The following SMPD3 variants were observed in gnomAD, a reference collection of about 807,000 sequenced individuals.
SMPD3 encodes nSMase-2.
In SMPD3, 21 loss-of-function variants were observed where a neutral mutation model predicts 55.7. The observed-to-expected ratio is 0.38, with a 90% CI of 0.27 to 0.54. The LOEUF is 0.54. Among genes scored for constraint, SMPD3 ranks in the 20% least tolerant of loss-of-function variants. SMPD3 has a pLI of 0.80. For synonymous variants in SMPD3, 457 were observed against 404.3 expected, an observed-to-expected ratio of 1.13 and a Z score of -1.56; for missense variants, 842 against 899.6, an observed-to-expected ratio of 0.94 and a Z score of 0.82.
intron 3 of SMPD3, among the ~76,000 whole-genome samples, 189 bp downstream of exon 3, chr16:68,370,670 C>A (rs1305507217): frequency 6.6e-6 from 1 of 152,204 alleles, no homozygotes; most frequent in Non-Finnish European, 1.5e-5. Flanking sequence ...CTCATCCCTG[C>A]ATTGGTCTTG....
intron 1 of SMPD3, among the ~76,000 whole-genome samples, chr16:68,423,171 T>C (rs1408989957): frequency 6.6e-6 from 1 of 152,226 alleles, no homozygotes. Context: ...TTTTCTGGCC[T>C]CCTTGTCACC....
intron 3 of SMPD3, chr16:68,369,346 G>C (rs2089584721): frequency 6.6e-6 from 1 of 152,318 alleles, no homozygotes; most frequent in Admixed American, 6.5e-5. Flanking sequence ...AGGAGGGGCT[G>C]TCCCAGGCAG....
At chr16:68,420,422 A>G (rs2090383251) in intron 1 of SMPD3, among the ~76,000 whole-genome samples, 2 of 152,242 alleles carry the variant, frequency 1.3e-5, no homozygotes, top group African/African-American at 4.8e-5. Context: ...CGGAGCCTAT[A>G]TGATCTTCCA....
At chr16:68,434,605 C>T (rs1378283967) in intron 1 of SMPD3, among the ~76,000 whole-genome samples, 2 of 152,142 alleles carry the variant, frequency 1.3e-5, no homozygotes, top group Non-Finnish European at 2.9e-5. Flanking sequence ...TTACATTTAT[C>T]GTCATAACCA....
At chr16:68,388,319 T>A (rs2090079399) in intron 1 of SMPD3, among the ~76,000 whole-genome samples, 1 of 152,154 alleles carries the variant, frequency 6.6e-6, no homozygotes. Context: ...TGACCTGCTG[T>A]CCCGGCCTGT....
rs766188272 is a variant in SMPD3 at position 68,399,569 on chromosome 16, T to C, written c.-268-12910A>G. ...GCCAAGTGCCATCCATCCCATCTTGTGGACACCCACAAAGAAGGAGCCTTG... is the reference window on the plus strand; with the variant it reads ...GCCAAGTGCCATCCATCCCATCTTGCGGACACCCACAAAGAAGGAGCCTTG... On this transcript the variant is annotated intron_variant, in intron 1 of 8. Transcript: ENST00000219334. 8.1e-4 allele frequency among the ~76,000 whole-genome samples: 124 copies of C among 152,266 alleles called. 2 individuals carry two copies. The highest frequency in any genetic ancestry group is 2.8e-4 in the Non-Finnish European group (19 of 68,006).
At chr16:68,425,445 G>A (rs2090428354) in intron 1 of SMPD3, among the ~76,000 whole-genome samples, 1 of 150,314 alleles carries the variant, frequency 6.7e-6, no homozygotes, top group African/African-American at 2.4e-5. Flanking sequence ...GGAGCGAAGG[G>A]GCCCAGCTTC....
Position 68,447,135 on chromosome 16 carries a change from G to A in SMPD3, c.-269+1218C>T, listed in dbSNP as rs1336230277. ...CAGCCCGCGGCGCAGGCCTGCCAGT[G>A]CGGCGACCGCCGCTTTGTCCTCTCG... On this transcript the variant is annotated intron_variant, in intron 1 of 8. Transcript: ENST00000219334. This position sits in a 1 kb window ranked among gnomAD's most constrained non-coding sequence, Gnocchi z 5.1. Among the ~76,000 whole-genome samples, 1 of 151,996 alleles carries A rather than the reference G, an allele frequency of 6.6e-6. No individual in the cohort carries two copies. Among genetic ancestry groups the A allele is most frequent in the Non-Finnish European group, 1.5e-5 (1 of 67,964 alleles).
intron 1 of SMPD3, among the ~76,000 whole-genome samples, chr16:68,392,152 A>G (rs1437894921): frequency 6.6e-6 from 1 of 152,226 alleles, no homozygotes; most frequent in African/African-American, 2.4e-5. Flanking sequence ...TTGGCCTTCC[A>G]GAGTGCTGGG....
At chr16:68,394,727 A>T (rs958978865) in intron 1 of SMPD3, among the ~76,000 whole-genome samples, 1 of 152,246 alleles carries the variant, frequency 6.6e-6, no homozygotes, top group African/African-American at 2.4e-5. Context: ...AAGATTTAAG[A>T]TAACTTAAAC....
intron 1 of SMPD3, among the ~76,000 whole-genome samples, chr16:68,392,581 G>A (rs2090120890): frequency 6.6e-6 from 1 of 152,162 alleles, no homozygotes; most frequent in African/African-American, 2.4e-5. Context: ...GAGATGCCAG[G>A]CCAGGTGCAG....
At position 68,404,371 on chromosome 16, in the gene SMPD3, A is replaced by T. The variant is rs1316491086; in HGVS notation, c.-268-17712T>A. Among the ~76,000 whole-genome samples, 1 of 151,872 alleles carries T rather than the reference A, an allele frequency of 6.6e-6. No homozygotes were observed. Among genetic ancestry groups the T allele is most frequent in the Non-Finnish European group, 1.5e-5 (1 of 67,942 alleles). On this transcript the variant is annotated intron_variant, in intron 1 of 8. Coordinates refer to ENST00000219334, the MANE Select transcript of SMPD3 (RefSeq NM_018667.4). This position sits in a 1 kb window ranked among gnomAD's most constrained non-coding sequence, Gnocchi z 4.0. Reference sequence around the variant, plus strand: ...CGCCTCAGCCTCCCAAATTGCTGAGATTACAGGCGTGAGCCACCATGACAG... The same window carrying T: ...CGCCTCAGCCTCCCAAATTGCTGAGTTTACAGGCGTGAGCCACCATGACAG...
intron 3 of SMPD3, among the ~76,000 whole-genome samples, chr16:68,370,481 C>T (rs949490644): frequency 8.5e-5 from 13 of 152,052 alleles, no homozygotes; most frequent in African/African-American, 2.9e-4. Flanking sequence ...TTATCACTGC[C>T]ACCATCTCCA....
rs544633520 is a variant in SMPD3 at position 68,397,833 on chromosome 16, G to A, written c.-268-11174C>T. On this transcript the variant is annotated intron_variant, in intron 1 of 8. Coordinates refer to ENST00000219334, the MANE Select transcript of SMPD3 (RefSeq NM_018667.4). ...CCCTGGTGGCAGTGCTTCGTCTTAGGGCCTCCTACAGTGAGCCTCTATTGC... is the reference window on the plus strand; with the variant it reads ...CCCTGGTGGCAGTGCTTCGTCTTAGAGCCTCCTACAGTGAGCCTCTATTGC... 7.2e-5 allele frequency among the ~76,000 whole-genome samples: 11 copies of A among 152,252 alleles called. No individual in the cohort carries two copies. In the South Asian group the frequency reaches 2.1e-3, roughly 29 times the overall value.
chr16:68,399,861 T>C (rs1208963720), intron 1 of SMPD3, among the ~76,000 whole-genome samples: 1 of 152,170 alleles, frequency 6.6e-6, no homozygotes, highest in Non-Finnish European at 1.5e-5. Flanking sequence ...ACATCCACGA[T>C]AAACCCAAAG....
At chr16:68,435,481 A>AT (rs34379714) in intron 1 of SMPD3, among the ~76,000 whole-genome samples, 29 of 150,346 alleles carry the variant, frequency 1.9e-4, no homozygotes, top group African/African-American at 4.2e-4. Flanking sequence ...ACACTCTGGC[A>AT]TTTTTTTTTT....
At chr16:68,408,587 A>G (rs1399174703) in intron 1 of SMPD3, among the ~76,000 whole-genome samples, 2 of 152,222 alleles carry the variant, frequency 1.3e-5, no homozygotes, top group African/African-American at 4.8e-5. Context: ...CAATCAGCAT[A>G]TTGCTGAATG....
intron 1 of SMPD3, among the ~76,000 whole-genome samples, chr16:68,392,109 CT>C (rs1285121202): frequency 6.6e-6 from 1 of 152,256 alleles, no homozygotes; most frequent in Admixed American, 6.5e-5. Context: ...CCAGGCCGGC[CT>C]CGAAATTCTG....
chr16:68,362,055 C>T (rs1395922754), intron 7 of SMPD3, among the ~76,000 whole-genome samples: 1 of 152,210 alleles, frequency 6.6e-6, no homozygotes, highest in African/African-American at 2.4e-5. Flanking sequence ...TGATCCCACC[C>T]GTTCCCCAGA....
Sources: allele counts gnomAD v4.1 joint callset (sites outside exome capture counted in the v4.1 genomes callset), GRCh38; gene constraint gnomAD v4.1.1; non-coding constraint Gnocchi (gnomAD v3.1); transcripts MANE v1.5; gene names NCBI Gene and HGNC (gene_info 2026-07-23, HGNC 2026-07-21).